The following RGL1 variants were observed in gnomAD, a reference collection of about 807,000 sequenced individuals.
RGL1 encodes ral guanine nucleotide dissociation stimulator like 1, also known as ral guanine nucleotide dissociation stimulator-like 1.
In RGL1, 24 loss-of-function variants were observed where a neutral mutation model predicts 95.2. The ratio of observed to expected loss-of-function variants is 0.25; its 90% CI spans 0.18 to 0.35. The LOEUF is 0.35. Among genes scored for constraint, RGL1 ranks in the 10% least tolerant of loss-of-function variants. The pLI, the probability that RGL1 is intolerant of heterozygous loss-of-function variation, is 1.00. For synonymous variants in RGL1, 329 were observed against 344.9 expected (o/e 0.95, Z 0.51); for missense variants, 715 against 936.3 (o/e 0.76, Z 3.08).
intron 1 of RGL1, among the ~76,000 whole-genome samples, chr1:183,687,562 G>T (rs1653678439): frequency 6.6e-6 from 1 of 152,084 alleles, no homozygotes; most frequent in Non-Finnish European, 1.5e-5. Flanking sequence ...ATCTTTTTGG[G>T]AGATTTTCTG....
At chr1:183,712,836 A>T (rs1655367533) in intron 1 of RGL1, among the ~76,000 whole-genome samples, 1 of 152,178 alleles carries the variant, frequency 6.6e-6, no homozygotes, top group Admixed American at 6.5e-5. Context: ...CATTCTTATA[A>T]AAGGAACAGG....
At chr1:183,925,742 G>A (rs1290656225) in intron 17 of RGL1, among the ~76,000 whole-genome samples, 1 of 152,142 alleles carries the variant, frequency 6.6e-6, no homozygotes, top group African/African-American at 2.4e-5. Flanking sequence ...CAGGAGAAAC[G>A]AAACCCGAGT....
chr1:183,771,965 A>C (rs1354517757), intron 2 of RGL1, among the ~76,000 whole-genome samples: 3 of 152,216 alleles, frequency 2.0e-5, no homozygotes, highest in Non-Finnish European at 4.4e-5. Flanking sequence ...GCATTTTGAC[A>C]GACACAGGCA....
intron 5 of RGL1, among the ~76,000 whole-genome samples, chr1:183,883,015 A>T (rs1666911338): frequency 6.6e-6 from 1 of 152,156 alleles, no homozygotes; most frequent in Admixed American, 6.5e-5. Flanking sequence ...GCACTGGGGA[A>T]AGGTTCCAGG....
intron 1 of RGL1, among the ~76,000 whole-genome samples, chr1:183,692,769 A>G (rs1005155363): frequency 2.0e-5 from 3 of 152,168 alleles, no homozygotes; most frequent in African/African-American, 7.2e-5. Flanking sequence ...GGGTGGGAGC[A>G]GTGACTATAA....
chr1:183,903,604 G>T (rs1032806067), intron 12 of RGL1, among the ~76,000 whole-genome samples: 2 of 152,136 alleles, frequency 1.3e-5, no homozygotes, highest in Admixed American at 6.6e-5. Context: ...AGAGCTGCCT[G>T]CCCTCGTAAA....
chr1:183,636,799 G>GA (rs1403296273), intron 1 of RGL1, among the ~76,000 whole-genome samples: 6 of 152,176 alleles, frequency 3.9e-5, no homozygotes, highest in Non-Finnish European at 8.8e-5. Context: ...CCCATTTCTG[G>GA]AATGTAGGAG....
chr1:183,926,356 G>C lies in RGL1; in HGVS notation c.*64G>C, dbSNP rs1357624794. The C allele has an allele frequency of 7.3e-7, 1 of 1,375,290 alleles. No individual in the cohort carries two copies. 85.2% of individuals were successfully genotyped at this position (1,375,290 alleles called of 1,614,324 possible). ...GTGGGGCTGAGAAACAGGCTGCGGT[G>C]ATTGCAATTACCATCCGGTGTTCGA... On this transcript the variant is annotated 3_prime_UTR_variant, in exon 18 of 18. Transcript: ENST00000360851.
intron 8 of RGL1, among the ~76,000 whole-genome samples, chr1:183,890,717 G>A (rs543416880): frequency 3.9e-5 from 6 of 152,242 alleles, no homozygotes; most frequent in East Asian, 3.9e-4. Flanking sequence ...CAACAGCTAC[G>A]TATCATATAC....
At chr1:183,805,410 G>A (rs1471464182) in intron 1 of RGL1, 86 bp downstream of exon 1, 18 of 1,144,608 alleles carry the variant, frequency 1.6e-5, no homozygotes, top group Non-Finnish European at 2.1e-5. Flanking sequence ...GGACTCCCTC[G>A]GAGTGAACGG....
chr1:183,780,749 A>C (rs1288836012), intron 2 of RGL1, among the ~76,000 whole-genome samples: 1 of 152,194 alleles, frequency 6.6e-6, no homozygotes, highest in Admixed American at 6.5e-5. Context: ...GTTTTGCCTT[A>C]CCTCTTCATA....
chr1:183,893,466 C>A (rs1468797487), intron 9 of RGL1, among the ~76,000 whole-genome samples: 1 of 152,040 alleles, frequency 6.6e-6, no homozygotes, highest in Non-Finnish European at 1.5e-5. Context: ...CCAAAGTATG[C>A]ATAACAAATG....
At chr1:183,824,762 T>C (rs1662735713) in intron 2 of RGL1, among the ~76,000 whole-genome samples, 1 of 152,240 alleles carries the variant, frequency 6.6e-6, no homozygotes, top group African/African-American at 2.4e-5. Flanking sequence ...TTGATCTCTT[T>C]AGGTGCTTTC....
chr1:183,803,034 G>A (rs1218725906), upstream of RGL1, among the ~76,000 whole-genome samples: 1 of 152,186 alleles, frequency 6.6e-6, no homozygotes, highest in Non-Finnish European at 1.5e-5. Flanking sequence ...TAAAAAATTT[G>A]TAAACTGCAA....
intron 1 of RGL1, chr1:183,647,580 C>T (rs1650378533): frequency 6.8e-7 from 1 of 1,476,810 alleles, no homozygotes; most frequent in South Asian, 1.5e-5. Flanking sequence ...CAGTTTATCT[C>T]CATCTTGGCT....
At chr1:183,846,186 A>G (rs545758267) in intron 2 of RGL1, among the ~76,000 whole-genome samples, 48 of 152,384 alleles carry the variant, frequency 3.1e-4, no homozygotes, top group African/African-American at 9.9e-4. Context: ...AATGAGGCAC[A>G]TATACACCAT....
chr1:183,839,903 C>T (rs189593866), intron 2 of RGL1, among the ~76,000 whole-genome samples: 1 of 152,308 alleles, frequency 6.6e-6, no homozygotes, highest in Non-Finnish European at 1.5e-5. Flanking sequence ...AAGAGAAAAG[C>T]ATAACAGATT....
At chr1:183,849,847 C>T (rs1024562187) in intron 3 of RGL1, among the ~76,000 whole-genome samples, 5 of 152,060 alleles carry the variant, frequency 3.3e-5, no homozygotes, top group African/African-American at 9.6e-5. Flanking sequence ...TATATATCTT[C>T]GGAATAGTTG....
chr1:183,665,895 T>C (rs918246246), intron 1 of RGL1, among the ~76,000 whole-genome samples: 8 of 152,132 alleles, frequency 5.3e-5, no homozygotes, highest in Non-Finnish European at 1.2e-4. Context: ...ATTTCTGCAC[T>C]GGTTTTTATT....
Sources: allele counts gnomAD v4.1 joint callset (sites outside exome capture counted in the v4.1 genomes callset), GRCh38; gene constraint gnomAD v4.1.1; transcripts MANE v1.5; gene names NCBI Gene and HGNC (gene_info 2026-07-23, HGNC 2026-07-21).